GABBR2: variants seen among roughly 807,000 people sequenced by gnomAD.
GABBR2 encodes the protein G-protein coupled receptor 51.
Under a neutral mutation model 105.6 loss-of-function variants are expected in GABBR2, and 23 were observed. The ratio of observed to expected loss-of-function variants is 0.22; its 90% CI spans 0.16 to 0.31. The LOEUF is 0.31. Among genes scored for constraint, GABBR2 ranks in the 10% least tolerant of loss-of-function variants. The pLI is 1.00. For missense variants in GABBR2, 734 were observed against 1,245.5 expected (o/e 0.59, Z 6.18); for synonymous variants, 478 against 499.7 (o/e 0.96, Z 0.58).
intron 13 of GABBR2, among the ~76,000 whole-genome samples, chr9:98,319,893 G>A (rs2131374041): frequency 6.6e-6 from 1 of 152,280 alleles, no homozygotes; most frequent in East Asian, 1.9e-4. Flanking sequence ...TTACTAGGCA[G>A]TAAGATTCAG....
At chr9:98,693,055 A>T (rs1215207740) in intron 1 of GABBR2, among the ~76,000 whole-genome samples, 1 of 152,152 alleles carries the variant, frequency 6.6e-6, no homozygotes, top group African/African-American at 2.4e-5. Context: ...GCCTATGTTG[A>T]TAGATCAGCG....
At chr9:98,371,316 C>T (rs1345339833) in intron 12 of GABBR2, 148 bp downstream of exon 12, 2 of 608,350 alleles carry the variant, frequency 3.3e-6, no homozygotes, top group Non-Finnish European at 6.0e-6. Flanking sequence ...GTCCGATTTC[C>T]CCAGTAGGGT....
At chr9:98,690,294 C>A (rs1830668435) in intron 1 of GABBR2, among the ~76,000 whole-genome samples, 1 of 152,204 alleles carries the variant, frequency 6.6e-6, no homozygotes, top group Admixed American at 6.5e-5. Context: ...GGAACCAGGA[C>A]CAAGCCTTCC....
intron 7 of GABBR2, among the ~76,000 whole-genome samples, chr9:98,410,545 G>A (rs1832570521): frequency 6.9e-6 from 1 of 144,168 alleles, no homozygotes; most frequent in South Asian, 2.2e-4. Context: ...TCTGGTTGCA[G>A]CAAGGGGAGC....
chr9:98,414,360 T>A (rs1287580886), intron 7 of GABBR2, among the ~76,000 whole-genome samples: 8 of 152,052 alleles, frequency 5.3e-5, no homozygotes, highest in Non-Finnish European at 1.0e-4. Flanking sequence ...GGAAAGAGAT[T>A]GGGAAATCCA....
At chr9:98,308,035 A>C (rs942771360) in intron 14 of GABBR2, among the ~76,000 whole-genome samples, 3 of 152,172 alleles carry the variant, frequency 2.0e-5, no homozygotes, top group Non-Finnish European at 4.4e-5. Context: ...CGAGTTTGAG[A>C]CCAGCCTGGG....
At chr9:98,617,693 A>G (rs940738201) in intron 1 of GABBR2, among the ~76,000 whole-genome samples, 3 of 152,094 alleles carry the variant, frequency 2.0e-5, no homozygotes, top group African/African-American at 7.2e-5. Context: ...GAGAATCCTA[A>G]CCACTCCTCT....
At position 98,290,746 on chromosome 9, in the gene GABBR2, G is replaced by T. The variant is rs371566642; in HGVS notation, c.2664C>A (p.Ile888=). The change falls in exon 19 of 19, where the codon ATC becomes ATA. Residue 888 remains isoleucine, a synonymous_variant. Coordinates refer to ENST00000259455, the MANE Select transcript of GABBR2 (RefSeq NM_005458.8). The stretch of plus-strand genomic sequence containing the variant: ...GGAGCTGGAGGGACAGCCGACGCTG[G>T]ATGCTGAAGAGAAGGAGAGGGAGGA... ...PIEDINSPEH[I]QRRLSLQLPI... 2.9e-5 allele frequency: 43 copies of T among 1,481,582 alleles called. No individual in the cohort carries two copies. The highest frequency in any genetic ancestry group is 3.7e-5 in the Non-Finnish European group (42 of 1,126,798). The allele number at this position is 1,481,582 out of a possible 1,614,324, so 91.8% of individuals were successfully genotyped here.
At chr9:98,361,526 G>A (rs1189425527) in intron 13 of GABBR2, among the ~76,000 whole-genome samples, 2 of 152,172 alleles carry the variant, frequency 1.3e-5, no homozygotes, top group African/African-American at 4.8e-5. Flanking sequence ...GGATGAAGGG[G>A]GCATTCCCTT....
chr9:98,551,133 T>C (rs1441776088), intron 2 of GABBR2, among the ~76,000 whole-genome samples: 1 of 152,180 alleles, frequency 6.6e-6, no homozygotes, highest in Non-Finnish European at 1.5e-5. Flanking sequence ...CTAGGTGCAG[T>C]GGCTCATGCC....
intron 11 of GABBR2, among the ~76,000 whole-genome samples, chr9:98,379,427 C>A (rs1433635695): frequency 2.0e-5 from 3 of 152,176 alleles, no homozygotes; most frequent in African/African-American, 7.2e-5. Context: ...TGCCACCATG[C>A]CTGGCTAATC....
At chr9:98,566,441 C>T (rs1326310463) in intron 2 of GABBR2, among the ~76,000 whole-genome samples, 2 of 152,010 alleles carry the variant, frequency 1.3e-5, no homozygotes, top group Non-Finnish European at 2.9e-5. Flanking sequence ...TTTGGAAGGC[C>T]GAGGCGGGCG....
intron 1 of GABBR2, among the ~76,000 whole-genome samples, chr9:98,643,152 GTTCCCAC>G (rs1288065237): frequency 6.6e-6 from 1 of 152,242 alleles, no homozygotes; most frequent in Non-Finnish European, 1.5e-5. Context: ...GGCAACTGCA[GTTCCCAC>G]TGGGCACTCG....
intron 16 of GABBR2, among the ~76,000 whole-genome samples, chr9:98,300,392 A>G (rs1830450050): frequency 6.6e-6 from 1 of 152,092 alleles, no homozygotes; most frequent in Non-Finnish European, 1.5e-5. Flanking sequence ...CGATCCTCCC[A>G]CTTTGTCCTC....
chr9:98,705,907 T>C (rs1830885737), intron 1 of GABBR2, among the ~76,000 whole-genome samples: 1 of 151,438 alleles, frequency 6.6e-6, no homozygotes, highest in South Asian at 2.1e-4. Context: ...AGAAACCCCA[T>C]CTCTACTAAA....
At chr9:98,625,307 G>C (rs140451470) in intron 1 of GABBR2, among the ~76,000 whole-genome samples, 50 of 152,324 alleles carry the variant, frequency 3.3e-4, no homozygotes, top group Admixed American at 7.2e-4. Context: ...ACTGATGCCC[G>C]GCTCAGGGCT....
intron 7 of GABBR2, among the ~76,000 whole-genome samples, chr9:98,451,966 G>C (rs1225301935): frequency 1.3e-5 from 2 of 152,162 alleles, no homozygotes; most frequent in Non-Finnish European, 2.9e-5. Context: ...TTTCACTAAA[G>C]GTCACAGAAA....
intron 2 of GABBR2, among the ~76,000 whole-genome samples, chr9:98,551,032 C>A (rs555905980): frequency 7.9e-5 from 12 of 152,244 alleles, no homozygotes; most frequent in African/African-American, 2.9e-4. Context: ...AATGACCCAA[C>A]CACCCAATCG....
intron 1 of GABBR2, among the ~76,000 whole-genome samples, chr9:98,647,407 G>T (rs1022169633): frequency 2.6e-5 from 4 of 152,350 alleles, no homozygotes; most frequent in Admixed American, 1.3e-4. Flanking sequence ...GAAATGCGCA[G>T]GTGGCTGCCG....
Sources: gnomAD v4.1 joint callset for allele counts (sites outside exome capture counted in the v4.1 genomes callset) on GRCh38, gnomAD v4.1.1 for gene constraint, MANE v1.5 for transcripts, NCBI Gene and HGNC (gene_info 2026-07-23, HGNC 2026-07-21) for gene names.